The following APELA variants were observed in gnomAD, a reference collection of about 807,000 sequenced individuals.
APELA encodes the protein apelin receptor early endogenous ligand, also known as protein Elabela.
intron 1 of APELA, among the ~76,000 whole-genome samples, chr4:164,877,629 A>G (rs746981432): frequency 6.6e-6 from 1 of 152,174 alleles, no homozygotes; most frequent in Non-Finnish European, 1.5e-5. Context: ...GTATTTTACC[A>G]CTATTTTTCC....
In APELA at chr4:164,877,424, T is replaced by C. The variant is rs1221442637; in HGVS notation, c.76+17T>C. On this transcript the variant is annotated intron_variant, in intron 1 of 2. Coordinates refer to ENST00000507152, the MANE Select transcript of APELA (RefSeq NM_001297550.2). ...AGAGACCAGGTAGGCCTTTGATACA[T>C]TTGTACAAGTAACTTGTTTTGCCTG... The C allele has an allele frequency of 2.5e-6, 1 of 398,874 alleles. No homozygotes were observed. Among genetic ancestry groups the C allele is most frequent in the Non-Finnish European group, 4.4e-6 (1 of 226,030 alleles). The allele number at this position is 398,874 out of a possible 1,614,324, so 24.7% of individuals were successfully genotyped here.
intron 2 of APELA, among the ~76,000 whole-genome samples, chr4:164,894,429 A>AT (rs1035403757): frequency 1.4e-5 from 2 of 144,310 alleles, no homozygotes; most frequent in Admixed American, 6.8e-5. Context: ...TTATTTTTTT[A>AT]TTTTTTTGAG....
chr4:164,897,651 A>G (rs1335988766), downstream of APELA: 1 of 152,222 alleles, frequency 6.6e-6, no homozygotes, highest in Non-Finnish European at 1.5e-5. Flanking sequence ...TTAAGACTGA[A>G]CAGCCTCGAT....
At chr4:164,886,951 A>G (rs1303546026) in intron 2 of APELA, among the ~76,000 whole-genome samples, 2 of 151,614 alleles carry the variant, frequency 1.3e-5, no homozygotes, top group East Asian at 1.9e-4. Flanking sequence ...TCAGCCTCCC[A>G]AGTAGCTGGG....
intron 2 of APELA, among the ~76,000 whole-genome samples, chr4:164,882,146 C>G (rs1730664594): frequency 6.6e-6 from 1 of 151,982 alleles, no homozygotes; most frequent in Non-Finnish European, 1.5e-5. Context: ...TCATGTTGCC[C>G]AGGCTGGAGT....
At chr4:164,881,226 A>G (rs1157780575) in intron 2 of APELA, among the ~76,000 whole-genome samples, 1 of 152,180 alleles carries the variant, frequency 6.6e-6, no homozygotes, top group Non-Finnish European at 1.5e-5. Context: ...TCTAAGGCAA[A>G]ACACCCCTTT....
At position 164,882,783 on chromosome 4, in the gene APELA, T is replaced by G. The variant is rs555556816; in HGVS notation, c.*1+3774T>G. Among the ~76,000 whole-genome samples the G allele has an allele frequency of 3.3e-5, 5 of 152,144 alleles. No individual in the cohort carries two copies. In the East Asian group the frequency reaches 7.8e-4, roughly 24 times the overall value. ...CACAACAGTCCCTGGTGTGTGATGTTCCCCTTCCTGTGTCCATGGGTTCTC... is the reference window on the plus strand; with the variant it reads ...CACAACAGTCCCTGGTGTGTGATGTGCCCCTTCCTGTGTCCATGGGTTCTC... On this transcript the variant is annotated intron_variant, in intron 2 of 2. Coordinates refer to ENST00000507152, the MANE Select transcript of APELA (RefSeq NM_001297550.2).
chr4:164,879,637 G>T (rs13127645), intron 2 of APELA, among the ~76,000 whole-genome samples: 53,610 of 151,996 alleles, frequency 0.35, 9,961 homozygotes, highest in South Asian at 0.49. Flanking sequence ...TAGAGATGAG[G>T]GTTCCCCATT....
At position 164,885,466 on chromosome 4, in the gene APELA, C is replaced by T. The variant is rs1004465451; in HGVS notation, c.*1+6457C>T. 7.3e-5 allele frequency among the ~76,000 whole-genome samples: 11 copies of T among 150,480 alleles called. 1 individual carries two copies. The Middle Eastern group carries it at 0.01, about 140-fold the overall frequency. ...GCTAAAAGATGTAAAATAGGCTGGG[C>T]GTGGTGGCTCACACCTATAATCCCA... On this transcript the variant is annotated intron_variant, in intron 2 of 2. Coordinates refer to ENST00000507152, the MANE Select transcript of APELA (RefSeq NM_001297550.2).
chr4:164,878,824 AT>A (rs1730604538), intron 1 of APELA, 95 bp from the exon 2 acceptor site: 11 of 397,920 alleles, frequency 2.8e-5, no homozygotes, highest in Non-Finnish European at 4.9e-5. Flanking sequence ...AATAACCACA[AT>A]CTAGTTTGGC....
chr4:164,895,451 A>T lies in APELA; in HGVS notation c.*37A>T, dbSNP rs1256017242. The T allele has an allele frequency of 5.9e-5, 9 of 152,156 alleles. No individual in the cohort carries two copies. The highest frequency in any genetic ancestry group is 1.7e-4 in the African/African-American group (7 of 41,440). The allele number at this position is 152,156 out of a possible 1,614,324, so 9.4% of individuals were successfully genotyped here. A position where few individuals can be genotyped will look rare whatever the true frequency, so the allele number is the denominator to read the frequency against. On this transcript the variant is annotated 3_prime_UTR_variant, in exon 3 of 3. Transcript: ENST00000507152. ...CTAACTTTACTGGATCTATCAGAAGAAGAAGAGGAGTGAAGGAAAGACACC... is the reference window on the plus strand; with the variant it reads ...CTAACTTTACTGGATCTATCAGAAGTAGAAGAGGAGTGAAGGAAAGACACC...
Position 164,877,381 on chromosome 4 carries a change from T to A in APELA, c.50T>A (p.Leu17His), listed in dbSNP as rs1163839343. Residue 17 changes from leucine (L) to histidine (H), a missense_variant, in exon 1 of 3, where the codon CTT becomes CAT. Leu to His is a moderately conservative substitution (Grantham distance 99). Transcript: ENST00000507152. ...GCATTTTTTATTTTTATTATGAGTC[T>A]TCTCCTTATCAGCGGACAGAGACCA... ...LFAFFIFIMS[L>H]LLISGQRPVN... The A allele has an allele frequency of 7.5e-6, 3 of 398,952 alleles. No individual in the cohort carries two copies. The highest frequency in any genetic ancestry group is 1.3e-5 in the Non-Finnish European group (3 of 226,064). The allele number at this position is 398,952 out of a possible 1,614,324, so 24.7% of individuals were successfully genotyped here.
At chr4:164,883,492 T>TC (rs1560857727) in intron 2 of APELA, among the ~76,000 whole-genome samples, 1 of 146,760 alleles carries the variant, frequency 6.8e-6, no homozygotes, top group African/African-American at 2.5e-5. Context: ...TTCTTTTTCT[T>TC]TTTTTTTTTT....
intron 2 of APELA, among the ~76,000 whole-genome samples, chr4:164,882,615 C>T (rs1486838586): frequency 1.3e-5 from 2 of 151,820 alleles, no homozygotes; most frequent in Non-Finnish European, 2.9e-5. Flanking sequence ...TATTATTATA[C>T]TTAAAGTTTT....
chr4:164,884,407 C>T (rs1160709039), intron 2 of APELA, among the ~76,000 whole-genome samples: 1 of 152,200 alleles, frequency 6.6e-6, no homozygotes, highest in Non-Finnish European at 1.5e-5. Flanking sequence ...ATTATGACTT[C>T]CTTCTTCTGA....
At chr4:164,894,396 C>G (rs1730933803) in intron 2 of APELA, among the ~76,000 whole-genome samples, 1 of 150,726 alleles carries the variant, frequency 6.6e-6, no homozygotes, top group Admixed American at 6.6e-5. Flanking sequence ...TATATTTTTT[C>G]TTTTCTTTTC....
At chr4:164,898,123 T>C (rs1020350622), downstream of APELA, among the ~76,000 whole-genome samples, 2 of 151,434 alleles carry the variant, frequency 1.3e-5, no homozygotes, top group African/African-American at 4.8e-5. Context: ...ACTCCTGACC[T>C]CAAGTGATTT....
At chr4:164,889,919 C>T (rs532796153) in intron 2 of APELA, among the ~76,000 whole-genome samples, 4 of 152,152 alleles carry the variant, frequency 2.6e-5, no homozygotes, top group East Asian at 1.9e-4. Flanking sequence ...TTAAAGTATA[C>T]GGAAGGCTAA....
At chr4:164,892,037 G>A (rs1730892489) in intron 2 of APELA, among the ~76,000 whole-genome samples, 1 of 152,146 alleles carries the variant, frequency 6.6e-6, no homozygotes, top group Admixed American at 6.6e-5. Flanking sequence ...GTGGCCAGAT[G>A]TGGTGGCTCA....
Sources: allele counts gnomAD v4.1 joint callset (sites outside exome capture counted in the v4.1 genomes callset), GRCh38; gene constraint gnomAD v4.1.1; transcripts MANE v1.5; gene names NCBI Gene and HGNC (gene_info 2026-07-23, HGNC 2026-07-21).